The following ADAMTSL1 variants were observed in gnomAD, a reference collection of about 807,000 sequenced individuals.
The protein encoded by ADAMTSL1 is ADAMTS like 1, also known as ADAMTS-like protein 1.
A neutral mutation model predicts 201.8 loss-of-function variants in ADAMTSL1; 126 were observed. That is an observed-to-expected ratio of 0.62 (90% CI 0.54 to 0.72). ADAMTSL1 has a LOEUF of 0.72. ADAMTSL1 is among the 30% of genes least tolerant of loss of function. ADAMTSL1 has a pLI of 0.00. For synonymous variants in ADAMTSL1, 1,121 were observed against 903.4 expected, an observed-to-expected ratio of 1.24 and a Z score of -4.32; for missense variants, 2,679 against 2,277.8, an observed-to-expected ratio of 1.18 and a Z score of -3.59.
intron 1 of ADAMTSL1, among the ~76,000 whole-genome samples, chr9:18,489,077 G>C (rs1484787840): frequency 2.0e-5 from 3 of 152,154 alleles, no homozygotes; most frequent in African/African-American, 7.2e-5. Context: ...CCCCGCAAGA[G>C]ATTCTGATAC....
chr9:18,535,537 C>A (rs537973250), intron 3 of ADAMTSL1, among the ~76,000 whole-genome samples: 1 of 152,312 alleles, frequency 6.6e-6, no homozygotes, highest in South Asian at 2.1e-4. Context: ...AAAGTCACTT[C>A]CACATTTTCA....
chr9:18,328,734 T>C (rs1460483258), intron 2 of ADAMTSL1, among the ~76,000 whole-genome samples: 2 of 152,190 alleles, frequency 1.3e-5, no homozygotes, highest in Non-Finnish European at 1.5e-5. Flanking sequence ...GGATGAGGAA[T>C]AGTTTGTATA....
At chr9:18,056,794 A>T (rs1026852739) in intron 1 of ADAMTSL1, among the ~76,000 whole-genome samples, 3 of 152,086 alleles carry the variant, frequency 2.0e-5, no homozygotes, top group Non-Finnish European at 4.4e-5. Context: ...TCAAAGAGGA[A>T]CCCACTCTGG....
chr9:18,698,672 A>G (rs1831718945), intron 13 of ADAMTSL1, among the ~76,000 whole-genome samples: 1 of 152,206 alleles, frequency 6.6e-6, no homozygotes, highest in African/African-American at 2.4e-5. Context: ...CAGAGAAGAA[A>G]ACCAAGAGAG....
intron 2 of ADAMTSL1, among the ~76,000 whole-genome samples, chr9:18,518,841 G>T (rs144788193): frequency 0.015 from 2,274 of 152,234 alleles, 40 homozygotes; most frequent in African/African-American, 0.048. Flanking sequence ...CCTGAGTGCT[G>T]GGATTACAGG....
At chr9:18,401,728 C>T (rs1464715241) in intron 2 of ADAMTSL1, among the ~76,000 whole-genome samples, 1 of 152,128 alleles carries the variant, frequency 6.6e-6, no homozygotes, top group Non-Finnish European at 1.5e-5. Flanking sequence ...TAATAACTCT[C>T]ATATTGATAT....
At chr9:18,360,891 C>A (rs1211985570) in intron 2 of ADAMTSL1, among the ~76,000 whole-genome samples, 1 of 152,072 alleles carries the variant, frequency 6.6e-6, no homozygotes, top group Non-Finnish European at 1.5e-5. Flanking sequence ...TCCAAAACAA[C>A]CATTTTTAAG....
At chr9:18,144,754 T>A (rs529741746) in intron 1 of ADAMTSL1, among the ~76,000 whole-genome samples, 1 of 152,182 alleles carries the variant, frequency 6.6e-6, no homozygotes, top group South Asian at 2.1e-4. Context: ...AATGACAGAG[T>A]GGCCCAAAGT....
intron 7 of ADAMTSL1, among the ~76,000 whole-genome samples, chr9:18,643,268 T>C (rs1827565268): frequency 6.6e-6 from 1 of 152,100 alleles, no homozygotes; most frequent in Admixed American, 6.6e-5. Context: ...TTCAGTCAGA[T>C]TGTTTTCTTG....
At chr9:18,547,280 C>T (rs1267013113) in intron 3 of ADAMTSL1, among the ~76,000 whole-genome samples, 1 of 152,026 alleles carries the variant, frequency 6.6e-6, no homozygotes, top group Non-Finnish European at 1.5e-5. Context: ...CAGAGGACAT[C>T]TATGCAATCT....
chr9:18,150,175 C>A (rs4961457), intron 1 of ADAMTSL1, among the ~76,000 whole-genome samples: 8 of 151,804 alleles, frequency 5.3e-5, no homozygotes, highest in African/African-American at 1.9e-4. Flanking sequence ...TCTGTTTCCA[C>A]GGTTATGAAA....
At chr9:18,020,973 G>T in intron 1 of ADAMTSL1, among the ~76,000 whole-genome samples, 1 of 152,068 alleles carries the variant, frequency 6.6e-6, no homozygotes, top group Non-Finnish European at 1.5e-5. Flanking sequence ...AGTCATCTGG[G>T]CGTGATAGCC....
At chr9:18,490,529 C>G (rs1161570819) in intron 1 of ADAMTSL1, among the ~76,000 whole-genome samples, 1 of 152,034 alleles carries the variant, frequency 6.6e-6, no homozygotes, top group Non-Finnish European at 1.5e-5. Flanking sequence ...GTAAGTGAAA[C>G]TAGAATCCTG....
chr9:18,218,436 C>T (rs982957881), intron 2 of ADAMTSL1, among the ~76,000 whole-genome samples: 1 of 152,098 alleles, frequency 6.6e-6, no homozygotes, highest in African/African-American at 2.4e-5. Flanking sequence ...TTGTGATGAG[C>T]TTAATCATTC....
chr9:18,153,812 T>C (rs1163840142), intron 1 of ADAMTSL1, among the ~76,000 whole-genome samples: 1 of 151,990 alleles, frequency 6.6e-6, no homozygotes, highest in African/African-American at 2.4e-5. Context: ...GATACTAAAA[T>C]TTTTCCAGCC....
At chr9:18,421,542 A>G (rs888903749) in intron 2 of ADAMTSL1, among the ~76,000 whole-genome samples, 9 of 152,196 alleles carry the variant, frequency 5.9e-5, no homozygotes, top group African/African-American at 1.9e-4. Flanking sequence ...CAAGCTGTAA[A>G]AAGCTTCCCA....
At chr9:18,666,011 A>C (rs1447477430) in intron 9 of ADAMTSL1, among the ~76,000 whole-genome samples, 1 of 152,132 alleles carries the variant, frequency 6.6e-6, no homozygotes, top group Non-Finnish European at 1.5e-5. Context: ...CATACTTTAT[A>C]CAGTAGATAC....
chr9:18,749,445 C>T (rs1371495199), intron 15 of ADAMTSL1, among the ~76,000 whole-genome samples: 1 of 152,062 alleles, frequency 6.6e-6, no homozygotes, highest in Admixed American at 6.5e-5. Flanking sequence ...GGGAAAAAGG[C>T]ACTAATGCCC....
intron 23 of ADAMTSL1, among the ~76,000 whole-genome samples, chr9:18,880,459 G>C (rs1300057345): frequency 1.3e-5 from 2 of 152,192 alleles, no homozygotes; most frequent in East Asian, 1.9e-4. Flanking sequence ...ATGAAAATAA[G>C]AATCTCCTTA....
Sources: gnomAD v4.1 joint callset for allele counts (sites outside exome capture counted in the v4.1 genomes callset) on GRCh38, gnomAD v4.1.1 for gene constraint, MANE v1.5 for transcripts, NCBI Gene and HGNC (gene_info 2026-07-23, HGNC 2026-07-21) for gene names.